ARHGEF11: variants seen among roughly 807,000 people sequenced by gnomAD.
The protein encoded by ARHGEF11 is Rho guanine exchange factor (GEF) 11.
In ARHGEF11, 55 loss-of-function variants were observed where a neutral mutation model predicts 193.7. The ratio of observed to expected loss-of-function variants is 0.28; its 90% confidence interval spans 0.23 to 0.36. ARHGEF11 has a LOEUF of 0.36. ARHGEF11 is among the 10% of genes least tolerant of loss of function. The pLI, the probability that ARHGEF11 is intolerant of heterozygous loss-of-function variation, is 1.00. For synonymous variants in ARHGEF11, 693 were observed against 768.0 expected (o/e 0.90, Z 1.62); for missense variants, 1,723 against 2,005.6 (o/e 0.86, Z 2.69).
In ARHGEF11 at chr1:157,045,461, A is replaced by C. The variant is rs560129064; in HGVS notation, c.-1131T>G. On this transcript the variant is annotated 5_prime_UTR_variant, in exon 1 of 41. Transcript: ENST00000368194. ...CGTTCGGATTATTATTGTGGATTTG[A>C]GTTCGAGGTGGGTTTTTCTTCCACA... The C allele has an allele frequency of 6.6e-6, 1 of 152,064 alleles. No homozygotes were observed. The highest frequency in any genetic ancestry group is 1.5e-5 in the Non-Finnish European group (1 of 68,034). The allele number at this position is 152,064 out of a possible 1,614,324, so 9.4% of individuals were successfully genotyped here. A position where few individuals can be genotyped will look rare whatever the true frequency, so the allele number is the denominator to read the frequency against.
At chr1:157,008,969 C>T (rs1395126485) in intron 1 of ARHGEF11, among the ~76,000 whole-genome samples, 3 of 152,190 alleles carry the variant, frequency 2.0e-5, no homozygotes, top group Non-Finnish European at 2.9e-5. Context: ...AAGGCTTTTC[C>T]TCCTAGCTAT....
At chr1:156,986,236 A>G (rs917274135) in intron 1 of ARHGEF11, 63 bp from the exon 2 acceptor site, 13 of 1,405,410 alleles carry the variant, frequency 9.2e-6, no homozygotes, top group Admixed American at 1.8e-5. Context: ...CTTGTAGTAG[A>G]TGGAGGCTCT....
chr1:156,972,407 C>T (rs755676750), intron 7 of ARHGEF11, among the ~76,000 whole-genome samples: 15 of 152,220 alleles, frequency 9.9e-5, no homozygotes, highest in Non-Finnish European at 1.9e-4. Flanking sequence ...TGAATACATC[C>T]TCATTGATAA....
intron 7 of ARHGEF11, among the ~76,000 whole-genome samples, chr1:156,973,447 C>T (rs1222920520): frequency 4.6e-5 from 7 of 152,224 alleles, no homozygotes; most frequent in Admixed American, 3.3e-4. Flanking sequence ...TCTCTCCTCT[C>T]TGTACTGGTG....
rs531280344 is a variant in ARHGEF11 at position 157,045,695 on chromosome 1, G to T, written c.-1365C>A. 2.0e-5 allele frequency among the ~76,000 whole-genome samples: 3 copies of T among 150,362 alleles called. No homozygotes were observed. The highest frequency in any genetic ancestry group is 4.5e-5 in the Non-Finnish European group (3 of 67,396). ...TCGGGACGCCAGGCTCGGCGCACAG[G>T]GAAGGCTGCGGCGGCTGCGGCAGGC... On this transcript the variant is annotated 5_prime_UTR_variant, in exon 1 of 41. Transcript: ENST00000368194.
rs1659852537 is a variant in ARHGEF11, at chr1:156,955,711, G to C, written c.1760C>G (p.Ser587Cys). ...LKYIGKPKSS[S>C]QSTFHIPLSP... ...GCTCCCCAAATACTCACTGCTTTGA[G>C]AAGAGCTTTTGGGCTTCCCAATGTA... Residue 587 changes from serine to cysteine, a missense_variant, in exon 20 of 41, where the codon TCT (serine) becomes TGT (cysteine). Around this residue, in one of 5 missense-constraint regions of ARHGEF11, gnomAD observed 491 missense variants for 654.5 expected, o/e 0.75. Transcript: ENST00000368194. 1 of 1,613,718 alleles carries C rather than the reference G, an allele frequency of 6.2e-7. No homozygotes were observed. The highest frequency in any genetic ancestry group is 1.3e-5 in the African/African-American group (1 of 74,936).
At chr1:156,949,992 G>A (rs555689820) in intron 22 of ARHGEF11, among the ~76,000 whole-genome samples, 91 of 152,306 alleles carry the variant, frequency 6.0e-4, no homozygotes, top group Middle Eastern at 3.4e-3. Context: ...ATCCTAGCAA[G>A]TGTCTTAGGG....
intron 39 of ARHGEF11, 82 bp from the exon 40 acceptor site, chr1:156,937,087 G>A (rs1027542221): frequency 3.2e-6 from 5 of 1,572,506 alleles, no homozygotes; most frequent in Non-Finnish European, 4.3e-6. Flanking sequence ...CTGGGCCTTG[G>A]GGAGGAGGGT....
At chr1:156,958,049 T>C (rs1346198022) in intron 17 of ARHGEF11, among the ~76,000 whole-genome samples, 1 of 152,230 alleles carries the variant, frequency 6.6e-6, no homozygotes, top group Non-Finnish European at 1.5e-5. Context: ...TTCTTTGCTA[T>C]TTTTACCCTG....
At chr1:156,970,410 T>A (rs918918574) in intron 8 of ARHGEF11, among the ~76,000 whole-genome samples, 4 of 152,146 alleles carry the variant, frequency 2.6e-5, no homozygotes, top group Non-Finnish European at 5.9e-5. Context: ...CCTTTGGAGA[T>A]CTTTGAGGAG....
intron 40 of ARHGEF11, 169 bp from the exon 41 acceptor site, chr1:156,936,227 C>T (rs1243219532): frequency 2.5e-6 from 2 of 796,148 alleles, no homozygotes; most frequent in Non-Finnish European, 2.3e-6. Context: ...CTGAACTCCA[C>T]TTTCATCAGC....
At chr1:156,971,934 A>C in intron 7 of ARHGEF11, 118 bp from the exon 8 acceptor site, 1 of 1,280,826 alleles carries the variant, frequency 7.8e-7, no homozygotes, top group Non-Finnish European at 1.1e-6. Context: ...GATGAGAGAG[A>C]AGAGGTCTCT....
intron 1 of ARHGEF11, among the ~76,000 whole-genome samples, chr1:157,006,484 C>CA (rs11369625): frequency 1.3e-5 from 2 of 152,250 alleles, no homozygotes; most frequent in Middle Eastern, 3.4e-3. Flanking sequence ...CCAAAAGCAC[C>CA]TAATCATAGG....
chr1:156,963,172 C>A (rs1229792503), intron 13 of ARHGEF11, 31 bp downstream of exon 13: 1 of 1,531,834 alleles, frequency 6.5e-7, no homozygotes, highest in Admixed American at 1.7e-5. Context: ...TACCAGCAGG[C>A]ACTCAATCAA....
At chr1:156,969,185 C>CAGAG (rs1313434725) in intron 10 of ARHGEF11, 97 bp downstream of exon 10, 7 of 979,640 alleles carry the variant, frequency 7.1e-6, no homozygotes, top group Non-Finnish European at 1.1e-5. Flanking sequence ...AAGAGGCACA[C>CAGAG]AGAGGCCTCA....
At chr1:156,942,518 G>T (rs1657235874) in intron 33 of ARHGEF11, among the ~76,000 whole-genome samples, 172 bp downstream of exon 33, 1 of 152,224 alleles carries the variant, frequency 6.6e-6, no homozygotes, top group Non-Finnish European at 1.5e-5. Context: ...GGTCGGGGGT[G>T]ATGACCCCTC....
intron 1 of ARHGEF11, among the ~76,000 whole-genome samples, chr1:156,996,291 G>T (rs1221535860): frequency 2.0e-5 from 3 of 152,152 alleles, no homozygotes; most frequent in African/African-American, 7.2e-5. Context: ...AAGTGTGTTG[G>T]TAGTTACAAA....
chr1:157,035,649 T>C (rs1041635172), intron 1 of ARHGEF11, among the ~76,000 whole-genome samples: 11 of 151,588 alleles, frequency 7.3e-5, no homozygotes, highest in Admixed American at 3.3e-4. Flanking sequence ...CATAGCTAGT[T>C]AGTCACTCAG....
At chr1:156,963,435 C>A in intron 12 of ARHGEF11, 85 bp downstream of exon 12, 1 of 1,525,010 alleles carries the variant, frequency 6.6e-7, no homozygotes, top group Non-Finnish European at 9.1e-7. Context: ...CCCTTCACAG[C>A]TGATGCTAGT....
Sources: allele counts gnomAD v4.1 joint callset (sites outside exome capture counted in the v4.1 genomes callset), GRCh38; gene constraint gnomAD v4.1.1; regional missense constraint gnomAD v4.1.1; transcripts MANE v1.5; gene names NCBI Gene and HGNC (gene_info 2026-07-23, HGNC 2026-07-21).